Variants in NOS1AP observed in about 807,000 individuals in gnomAD.
The protein encoded by NOS1AP is nitric oxide synthase 1 adaptor protein.
A neutral mutation model predicts 56.2 loss-of-function variants in NOS1AP; 21 were observed. The ratio of observed to expected loss-of-function variants is 0.37; its 90% CI spans 0.26 to 0.54. The LOEUF (loss-of-function observed/expected upper bound fraction) is 0.54. NOS1AP is among the 20% of genes least tolerant of loss of function. The pLI is 0.84. For synonymous variants in NOS1AP, 270 were observed against 274.6 expected (o/e 0.98, Z 0.17); for missense variants, 522 against 657.8 (o/e 0.79, Z 2.26).
chr1:162,134,978 C>T (rs986846708), intron 1 of NOS1AP, among the ~76,000 whole-genome samples: 2 of 152,324 alleles, frequency 1.3e-5, no homozygotes, highest in East Asian at 1.9e-4. Flanking sequence ...TTTCTATGCA[C>T]GCTGATGTTC....
At chr1:162,296,706 C>T (rs932636291) in intron 3 of NOS1AP, among the ~76,000 whole-genome samples, 3 of 152,190 alleles carry the variant, frequency 2.0e-5, no homozygotes, top group South Asian at 2.1e-4. Flanking sequence ...TATTTTGCCT[C>T]ATTATTCTTT....
chr1:162,084,681 C>T (rs1570996638), intron 1 of NOS1AP, among the ~76,000 whole-genome samples: 2 of 152,102 alleles, frequency 1.3e-5, no homozygotes, highest in Non-Finnish European at 2.9e-5. Context: ...TTTCTCTTCT[C>T]TTTTTCTTCT....
chr1:162,078,387 T>C (rs1372701391), intron 1 of NOS1AP, among the ~76,000 whole-genome samples: 1 of 152,206 alleles, frequency 6.6e-6, no homozygotes, highest in Non-Finnish European at 1.5e-5. Flanking sequence ...TATTCTTTGA[T>C]TTAACAGCCA....
chr1:162,076,168 T>G (rs946184530), intron 1 of NOS1AP, among the ~76,000 whole-genome samples: 11 of 152,190 alleles, frequency 7.2e-5, no homozygotes, highest in African/African-American at 2.7e-4. Context: ...TTTATACCTT[T>G]GTTGCCTTGA....
intron 2 of NOS1AP, among the ~76,000 whole-genome samples, chr1:162,243,328 G>T (rs1267349954): frequency 6.6e-6 from 1 of 152,148 alleles, no homozygotes; most frequent in East Asian, 1.9e-4. Flanking sequence ...GGGGCAATGG[G>T]CATGGGCTCC....
chr1:162,256,879 A>G (rs969485571), intron 2 of NOS1AP, among the ~76,000 whole-genome samples: 2 of 152,148 alleles, frequency 1.3e-5, no homozygotes, highest in African/African-American at 4.8e-5. Flanking sequence ...TGTGTCCCTC[A>G]TTAAGAAATC....
At chr1:162,111,870 C>A (rs1188409144) in intron 1 of NOS1AP, among the ~76,000 whole-genome samples, 3 of 152,200 alleles carry the variant, frequency 2.0e-5, no homozygotes, top group Non-Finnish European at 4.4e-5. Flanking sequence ...GTTGGACTAG[C>A]TCATCTCTGT....
At chr1:162,151,590 A>AAT (rs1649708657) in intron 1 of NOS1AP, among the ~76,000 whole-genome samples, 1 of 152,144 alleles carries the variant, frequency 6.6e-6, no homozygotes, top group Non-Finnish European at 1.5e-5. Context: ...TATAGTACAG[A>AAT]CACTTTAACA....
rs1211885919 is a variant in NOS1AP at position 162,136,374 on chromosome 1, C to A, written c.106-18031C>A. 2.0e-5 allele frequency among the ~76,000 whole-genome samples: 3 copies of A among 152,130 alleles called. No individual in the cohort carries two copies. The East Asian group carries it at 5.8e-4, about 29-fold the overall frequency. On this transcript the variant is annotated intron_variant, in intron 1 of 9. Coordinates refer to ENST00000361897, the MANE Select transcript of NOS1AP (RefSeq NM_014697.3). ...CTCCAACTCCCTTAATCTTATCTAA[C>A]CTCTTCTAATTCTTTGAATACCTAC...
intron 2 of NOS1AP, among the ~76,000 whole-genome samples, chr1:162,216,960 C>T (rs977258415): frequency 3.9e-5 from 6 of 152,134 alleles, no homozygotes; most frequent in African/African-American, 1.4e-4. Flanking sequence ...AGCACATTTG[C>T]AAGTATTGTG....
chr1:162,079,808 G>A (rs1691847179), intron 1 of NOS1AP, among the ~76,000 whole-genome samples: 1 of 152,190 alleles, frequency 6.6e-6, no homozygotes, highest in Admixed American at 6.5e-5. Context: ...CAGAGGCCTA[G>A]TCATGTATTA....
At chr1:162,335,035 TAAGA>T (rs5778266) in intron 5 of NOS1AP, among the ~76,000 whole-genome samples, 67,985 of 151,680 alleles carry the variant, frequency 0.45, 16,226 homozygotes, top group Middle Eastern at 0.58. Context: ...AACCTGAGTT[TAAGA>T]CCAGTGCTCA....
chr1:162,076,806 T>A (rs1558088481), intron 1 of NOS1AP, among the ~76,000 whole-genome samples: 1 of 152,252 alleles, frequency 6.6e-6, no homozygotes, highest in Non-Finnish European at 1.5e-5. Context: ...TGTCTCTAGA[T>A]TTGCCTATTC....
intron 4 of NOS1AP, among the ~76,000 whole-genome samples, chr1:162,310,540 G>GT (rs970374108): frequency 2.0e-5 from 3 of 152,212 alleles, no homozygotes; most frequent in African/African-American, 7.2e-5. Context: ...TAGAGTTGAT[G>GT]TTTTTATTTC....
chr1:162,249,847 G>A (rs1014959922), intron 2 of NOS1AP, among the ~76,000 whole-genome samples: 1 of 152,164 alleles, frequency 6.6e-6, no homozygotes, highest in Admixed American at 6.5e-5. Flanking sequence ...GTATCAGTGG[G>A]CACGAGAGGG....
intron 1 of NOS1AP, among the ~76,000 whole-genome samples, chr1:162,084,479 C>T (rs1223542037): frequency 6.6e-6 from 1 of 152,102 alleles, no homozygotes; most frequent in Non-Finnish European, 1.5e-5. Flanking sequence ...TTCAAGGTCT[C>T]CACTTGGTCT....
intron 2 of NOS1AP, among the ~76,000 whole-genome samples, chr1:162,209,184 G>A (rs958442012): frequency 6.6e-6 from 1 of 152,176 alleles, no homozygotes; most frequent in South Asian, 2.1e-4. Flanking sequence ...TGCACAAGAT[G>A]TTTCCCAATT....
chr1:162,262,171 C>T (rs1654260487), intron 2 of NOS1AP, among the ~76,000 whole-genome samples: 1 of 152,108 alleles, frequency 6.6e-6, no homozygotes, highest in African/African-American at 2.4e-5. Flanking sequence ...GTTTTGGTTT[C>T]CTGCAGCCTT....
At chr1:162,234,866 G>C (rs76224842) in intron 2 of NOS1AP, among the ~76,000 whole-genome samples, 6,352 of 152,232 alleles carry the variant, frequency 0.042, 178 homozygotes, top group African/African-American at 0.08. Flanking sequence ...ACATAGAAGA[G>C]GCTGTTGCTT....
Sources: allele counts gnomAD v4.1 joint callset (sites outside exome capture counted in the v4.1 genomes callset), GRCh38; gene constraint gnomAD v4.1.1; transcripts MANE v1.5; gene names NCBI Gene and HGNC (gene_info 2026-07-23, HGNC 2026-07-21).